Variants in RTRAF observed in about 807,000 individuals in gnomAD.
RTRAF encodes RNA transcription, translation and transport factor.
Under a neutral mutation model 34.4 loss-of-function variants are expected in RTRAF, and 14 were observed. That is an observed-to-expected ratio of 0.41 (90% CI 0.27 to 0.64). The LOEUF (loss-of-function observed/expected upper bound fraction) is 0.64, where lower values mean the gene tolerates loss of function less well. Ranked by LOEUF, RTRAF falls within the 30% of genes least tolerant of loss-of-function variation. RTRAF has a pLI of 0.34. For missense variants in RTRAF, 291 were observed against 288.4 expected (o/e 1.01, Z -0.06); for synonymous variants, 96 against 95.3 (o/e 1.01, Z -0.04).
At chr14:52,003,262 A>C (rs1326210617) in intron 6 of RTRAF, among the ~76,000 whole-genome samples, 1 of 152,160 alleles carries the variant, frequency 6.6e-6, no homozygotes, top group Non-Finnish European at 1.5e-5. Context: ...GCCTGTTGGC[A>C]AAGGAAAAAA....
chr14:52,005,485 C>T lies in RTRAF; in HGVS notation c.*969C>T. ...CCAAGTCTTCCTTTACATTACTGTA[C>T]TTACTTTCTTCCTGTGAGAGAAGAG... On this transcript the variant is annotated 3_prime_UTR_variant, in exon 8 of 8. Coordinates refer to ENST00000261700, the MANE Select transcript of RTRAF (RefSeq NM_016039.3). 1.3e-6 allele frequency: 2 copies of T among 1,597,334 alleles called. No homozygotes were observed. Among genetic ancestry groups the T allele is most frequent in the Non-Finnish European group, 1.7e-6 (2 of 1,173,630 alleles).
intron 6 of RTRAF, among the ~76,000 whole-genome samples, chr14:52,003,213 T>C (rs1890634349): frequency 6.6e-6 from 1 of 152,204 alleles, no homozygotes. Flanking sequence ...TTATAACTAC[T>C]ATTTGAGGCA....
intron 5 of RTRAF, among the ~76,000 whole-genome samples, chr14:52,001,250 G>A (rs1184198543): frequency 6.6e-6 from 1 of 151,948 alleles, no homozygotes; most frequent in Non-Finnish European, 1.5e-5. Flanking sequence ...AAGTGTGTAT[G>A]GATACTTGCA....
At chr14:52,003,277 G>A (rs184240819) in intron 6 of RTRAF, among the ~76,000 whole-genome samples, 369 of 152,176 alleles carry the variant, frequency 2.4e-3, no homozygotes, top group African/African-American at 8.2e-3. Context: ...AAAAAAAAGT[G>A]GAGCCTCTGG....
chr14:51,991,444 A>G lies in RTRAF; in HGVS notation c.186+3A>G, dbSNP rs1215691276. ...ACTGGCCCAAGTTCTTTGAAAAGGTAATGAATTAGGAAGTAAAGTAAAAAT... is the reference window on the plus strand; with the variant it reads ...ACTGGCCCAAGTTCTTTGAAAAGGTGATGAATTAGGAAGTAAAGTAAAAAT... On this transcript the variant is annotated splice_donor_region_variant and intron_variant, in intron 2 of 7. Coordinates refer to ENST00000261700, the MANE Select transcript of RTRAF (RefSeq NM_016039.3). 6.2e-7 allele frequency: 1 copy of G among 1,609,790 alleles called. No homozygotes were observed. Among genetic ancestry groups the G allele is most frequent in the Non-Finnish European group, 8.5e-7 (1 of 1,177,818 alleles).
Position 52,006,147 on chromosome 14 carries a change from T to G in RTRAF, c.*1631T>G. On this transcript the variant is annotated 3_prime_UTR_variant, in exon 8 of 8. Transcript: ENST00000261700. ...TTTGAGAACTAGTCTAAATAGTATTTTTCGGTCCCTCAGACAATATGTCCA... is the reference window on the plus strand; with the variant it reads ...TTTGAGAACTAGTCTAAATAGTATTGTTCGGTCCCTCAGACAATATGTCCA... The G allele has an allele frequency of 2.4e-6, 1 of 421,306 alleles. No individual in the cohort carries two copies. The highest frequency in any genetic ancestry group is 2.6e-5 in the South Asian group (1 of 38,452). The allele number at this position is 421,306 out of a possible 1,614,324, so 26.1% of individuals were successfully genotyped here.
At chr14:51,990,061 C>T (rs568921490) in intron 1 of RTRAF, among the ~76,000 whole-genome samples, 2 of 152,298 alleles carry the variant, frequency 1.3e-5, no homozygotes, top group African/African-American at 4.8e-5. Context: ...AATTATGGGC[C>T]AGCGCGGTGC....
rs910200611 is a variant in RTRAF, at chr14:52,006,765, T to C, written c.*2249T>C. On this transcript the variant is annotated 3_prime_UTR_variant, in exon 8 of 8. Transcript: ENST00000261700. ...GATAGAATGGGGAAATAGGATATTT[T>C]ACTTCCATTACAGTCATAGATTAGC... 1 of 1,244,918 alleles carries C rather than the reference T, an allele frequency of 8.0e-7. No individual in the cohort carries two copies. The highest frequency in any genetic ancestry group is 1.1e-6 in the Non-Finnish European group (1 of 875,934). The allele number at this position is 1,244,918 out of a possible 1,614,324, so 77.1% of individuals were successfully genotyped here.
chr14:52,009,689 G>A lies in RTRAF; in HGVS notation c.*5173G>A, dbSNP rs1890932076. 1 of 152,178 alleles carries A rather than the reference G, an allele frequency of 6.6e-6. No homozygotes were observed. The highest frequency in any genetic ancestry group is 2.1e-4 in the South Asian group (1 of 4,822). The allele number at this position is 152,178 out of a possible 1,614,324, so 9.4% of individuals were successfully genotyped here. On this transcript the variant is annotated 3_prime_UTR_variant, in exon 8 of 8. Coordinates refer to ENST00000261700, the MANE Select transcript of RTRAF (RefSeq NM_016039.3). ...AGATGGCAGCTCTCCCCAGTTTTCAGGTCAAGCACCAAGAAGGAATAAGGG... is the reference window on the plus strand; with the variant it reads ...AGATGGCAGCTCTCCCCAGTTTTCAAGTCAAGCACCAAGAAGGAATAAGGG...
rs1402015787 is a variant in RTRAF, at chr14:52,004,860, A to ATCTT, written c.*346_*349dup. ...ATCTAGAAAATTTTAAAATTGTTAC[A>ATCTT]TCTTTGGTATTTATAAATGTGATAC... On this transcript the variant is annotated 3_prime_UTR_variant, in exon 8 of 8. Coordinates refer to ENST00000261700, the MANE Select transcript of RTRAF (RefSeq NM_016039.3). The ATCTT allele has an allele frequency of 2.8e-5, 5 of 179,756 alleles. No homozygotes were observed. The highest frequency in any genetic ancestry group is 5.8e-5 in the Non-Finnish European group (5 of 86,902). The allele number at this position is 179,756 out of a possible 1,614,324, so 11.1% of individuals were successfully genotyped here.
chr14:51,999,297 A>C (rs1890567372), intron 4 of RTRAF: 1 of 158,094 alleles, frequency 6.3e-6, no homozygotes, highest in South Asian at 1.9e-4. Flanking sequence ...TTAGGATGAG[A>C]TCATGTCCCA....
At chr14:52,003,287 G>A (rs548864768) in intron 6 of RTRAF, among the ~76,000 whole-genome samples, 29 of 152,136 alleles carry the variant, frequency 1.9e-4, no homozygotes, top group South Asian at 4.2e-4. Context: ...GGAGCCTCTG[G>A]TACTAGATGA....
At chr14:52,002,150 A>T (rs1036784762) in intron 6 of RTRAF, among the ~76,000 whole-genome samples, 1 of 152,228 alleles carries the variant, frequency 6.6e-6, no homozygotes, top group Non-Finnish European at 1.5e-5. Flanking sequence ...GTTGAAGTTT[A>T]TTTAAAATGA....
intron 4 of RTRAF, 39 bp from the exon 5 acceptor site, chr14:51,999,669 C>T: frequency 7.4e-7 from 1 of 1,350,734 alleles, no homozygotes; most frequent in Non-Finnish European, 1.0e-6. Flanking sequence ...TATACGTTTG[C>T]AGGGTTGTAA....
Position 52,005,381 on chromosome 14 carries a change from G to A in RTRAF, c.*865G>A, listed in dbSNP as rs936043399. 9 of 1,128,434 alleles carry A rather than the reference G, an allele frequency of 8.0e-6. No individual in the cohort carries two copies. Among genetic ancestry groups the A allele is most frequent in the East Asian group, 5.0e-5 (2 of 39,938 alleles). 69.9% of individuals were successfully genotyped at this position (1,128,434 alleles called of 1,614,324 possible). On this transcript the variant is annotated 3_prime_UTR_variant, in exon 8 of 8. Transcript: ENST00000261700. ...ATGTTCATCTTGGATGCTCAGGAAC[G>A]TCTAATGGCCAATTCCTTTTTTACT... is the stretch of plus-strand genomic sequence containing the variant.
rs527249964 is a variant in RTRAF, at chr14:51,993,219, A to G, written c.187-504A>G. ...AATTAATGTTACATATAATACTATT[A>G]TATGCAACATTTATTTGAATATACA... is the stretch of plus-strand genomic sequence containing the variant. On this transcript the variant is annotated intron_variant, in intron 2 of 7. Transcript: ENST00000261700. Among the ~76,000 whole-genome samples the G allele has an allele frequency of 4.1e-4, 62 of 152,262 alleles. 1 individual carries two copies. Among genetic ancestry groups the G allele is most frequent in the African/African-American group, 1.5e-3 (61 of 41,540 alleles).
At chr14:52,000,862 G>A (rs959387421) in intron 5 of RTRAF, among the ~76,000 whole-genome samples, 1 of 152,154 alleles carries the variant, frequency 6.6e-6, no homozygotes, top group Non-Finnish European at 1.5e-5. Flanking sequence ...ACAATGCATA[G>A]CGTATTTGGG....
chr14:52,009,310 A>AG lies in RTRAF; in HGVS notation c.*4794_*4795insG, dbSNP rs1347056990. 6.6e-6 allele frequency: 1 copy of AG among 152,234 alleles called. No homozygotes were observed. Among genetic ancestry groups the AG allele is most frequent in the African/African-American group, 2.4e-5 (1 of 41,452 alleles). 9.4% of individuals were successfully genotyped at this position (152,234 alleles called of 1,614,324 possible). A position where few individuals can be genotyped will look rare whatever the true frequency, so the allele number is the denominator to read the frequency against. ...AAATGATTTAATATCATCAACAACA[A>AG]TAAGTCTGAAACAAGCTCACACAGA... On this transcript the variant is annotated 3_prime_UTR_variant, in exon 8 of 8. Transcript: ENST00000261700.
At position 52,004,297 on chromosome 14, in the gene RTRAF, A is replaced by C. The variant is rs1219113204; in HGVS notation, c.580+55A>C. 3.8e-6 allele frequency: 6 copies of C among 1,577,704 alleles called. No homozygotes were observed. In the East Asian group the frequency reaches 1.4e-4, roughly 36 times the overall value. ...TTTTTTTACAGACTGAATACTTGGG[A>C]GGAAATAAATGGCCTTAAATGTAAA... On this transcript the variant is annotated intron_variant, in intron 7 of 7. Transcript: ENST00000261700.
Sources: allele counts gnomAD v4.1 joint callset (sites outside exome capture counted in the v4.1 genomes callset), GRCh38; gene constraint gnomAD v4.1.1; transcripts MANE v1.5; gene names NCBI Gene and HGNC (gene_info 2026-07-23, HGNC 2026-07-21).